Variants in ADGRL3 observed in about 807,000 individuals in gnomAD.
ADGRL3 encodes the protein adhesion G protein-coupled receptor L3.
A neutral mutation model predicts 153.5 loss-of-function variants in ADGRL3; 62 were observed. That is an observed-to-expected ratio of 0.40 (90% CI 0.33 to 0.50). The LOEUF is 0.50. ADGRL3 is among the 20% of genes least tolerant of loss of function. The pLI, the probability that ADGRL3 is intolerant of heterozygous loss-of-function variation, is 0.47. For synonymous variants in ADGRL3, 710 were observed against 672.5 expected, an observed-to-expected ratio of 1.06 and a Z score of -0.86; for missense variants, 1,641 against 1,859.4, an observed-to-expected ratio of 0.88 and a Z score of 2.16.
At chr4:61,219,910 C>G (rs1744614424) in intron 1 of ADGRL3, among the ~76,000 whole-genome samples, 1 of 151,954 alleles carries the variant, frequency 6.6e-6, no homozygotes, top group Non-Finnish European at 1.5e-5. Context: ...GAGTTTGAGA[C>G]AAACCTGGAC....
At chr4:61,269,961 T>G (rs1505665) in intron 1 of ADGRL3, among the ~76,000 whole-genome samples, 1 of 151,458 alleles carries the variant, frequency 6.6e-6, no homozygotes, top group African/African-American at 2.4e-5. Flanking sequence ...AAGTTACATG[T>G]CAAATGGTTG....
intron 5 of ADGRL3, among the ~76,000 whole-genome samples, chr4:61,663,281 C>T (rs1159581054): frequency 1.3e-5 from 2 of 152,188 alleles, no homozygotes; most frequent in South Asian, 2.1e-4. Context: ...GGCTGTGACA[C>T]CCTCTTTGGA....
Position 61,379,390 on chromosome 4 carries a change from A to G in ADGRL3, c.-239-3734A>G, listed in dbSNP as rs1424570981. 2.6e-5 allele frequency among the ~76,000 whole-genome samples: 4 copies of G among 152,190 alleles called. No homozygotes were observed. The East Asian group carries it at 7.7e-4, about 29-fold the overall frequency. ...ACTTCTTTTTACAAATCATAAAATT[A>G]TATTAGTAATACCTAATATGTAACT... is the stretch of plus-strand genomic sequence containing the variant. On this transcript the variant is annotated intron_variant, in intron 1 of 26. Transcript: ENST00000683033.
At chr4:61,550,521 G>A (rs185780713) in intron 4 of ADGRL3, among the ~76,000 whole-genome samples, 3 of 152,032 alleles carry the variant, frequency 2.0e-5, no homozygotes, top group East Asian at 3.9e-4. Context: ...AAATATTATG[G>A]CAAAACATAT....
At chr4:61,590,946 G>C (rs899642749) in intron 5 of ADGRL3, among the ~76,000 whole-genome samples, 2 of 152,208 alleles carry the variant, frequency 1.3e-5, no homozygotes, top group East Asian at 3.9e-4. Flanking sequence ...ACGTTTTATT[G>C]ATGTATAATA....
chr4:61,811,313 T>C (rs1007361201), intron 8 of ADGRL3, among the ~76,000 whole-genome samples: 3 of 151,676 alleles, frequency 2.0e-5, no homozygotes, highest in Non-Finnish European at 4.4e-5. Context: ...AGTAAAGTAC[T>C]GCTTTGTGTT....
chr4:61,971,843 G>A lies in ADGRL3; in HGVS notation c.2806-7720G>A, dbSNP rs543511103. ...GTTGTTTCCTGACTTTTTAATGATC[G>A]CCATTCTAATTGGTGTGAGATGGTA... On this transcript the variant is annotated intron_variant, in intron 17 of 26. Transcript: ENST00000683033. 2.5e-4 allele frequency among the ~76,000 whole-genome samples: 38 copies of A among 152,116 alleles called. No homozygotes were observed. In the East Asian group the frequency reaches 5.4e-3, roughly 22 times the overall value.
chr4:61,452,737 G>A (rs1261039222), intron 2 of ADGRL3, among the ~76,000 whole-genome samples: 1 of 152,056 alleles, frequency 6.6e-6, no homozygotes, highest in Non-Finnish European at 1.5e-5. Flanking sequence ...ATGAAATTTG[G>A]AGCATTTGTG....
chr4:61,392,611 G>A (rs935587975), intron 2 of ADGRL3, among the ~76,000 whole-genome samples: 2 of 145,546 alleles, frequency 1.4e-5, no homozygotes, highest in Non-Finnish European at 3.0e-5. Flanking sequence ...GCTTGAACCC[G>A]GTAAGCAGAG....
chr4:61,702,820 TCTATAA>T (rs2095792174), intron 6 of ADGRL3, among the ~76,000 whole-genome samples: 1 of 152,180 alleles, frequency 6.6e-6, no homozygotes, highest in African/African-American at 2.4e-5. Context: ...TATATCTATA[TCTATAA>T]CTATATCACG....
At chr4:61,701,815 G>A (rs2095767200) in intron 6 of ADGRL3, among the ~76,000 whole-genome samples, 1 of 151,996 alleles carries the variant, frequency 6.6e-6, no homozygotes, top group South Asian at 2.1e-4. Context: ...ATACAGATTT[G>A]AAGATATTTT....
At chr4:61,656,141 A>C (rs1207187595) in intron 5 of ADGRL3, among the ~76,000 whole-genome samples, 1 of 152,204 alleles carries the variant, frequency 6.6e-6, no homozygotes, top group Non-Finnish European at 1.5e-5. Context: ...TGTTCTAGTA[A>C]GGCATACTTT....
intron 1 of ADGRL3, among the ~76,000 whole-genome samples, chr4:61,252,075 G>T (rs1759512547): frequency 6.6e-6 from 1 of 151,780 alleles, no homozygotes; most frequent in Admixed American, 6.6e-5. Context: ...GTAGAGAAAG[G>T]TTTTGCCATG....
chr4:62,035,435 C>T (rs561288945), intron 23 of ADGRL3, among the ~76,000 whole-genome samples: 10 of 152,028 alleles, frequency 6.6e-5, no homozygotes, highest in Middle Eastern at 3.4e-3. Context: ...ATTCAAATAC[C>T]CTTTCTCATC....
intron 8 of ADGRL3, among the ~76,000 whole-genome samples, chr4:61,746,538 T>G (rs1289529807): frequency 2.0e-5 from 3 of 152,024 alleles, no homozygotes; most frequent in Admixed American, 6.6e-5. Context: ...AAACTAGAAC[T>G]CAGGATTAAG....
intron 4 of ADGRL3, among the ~76,000 whole-genome samples, chr4:61,577,940 A>G (rs991017741): frequency 1.3e-5 from 2 of 152,216 alleles, no homozygotes; most frequent in African/African-American, 2.4e-5. Context: ...TAACTTTTAT[A>G]GTATATTAGT....
At chr4:61,711,464 A>ATATATATATATATATATATATATATATC (rs2095984434) in intron 6 of ADGRL3, among the ~76,000 whole-genome samples, 1 of 76,842 alleles carries the variant, frequency 1.3e-5, no homozygotes, top group Non-Finnish European at 2.4e-5. Context: ...TTCATTATAT[A>ATATATATATATATATATATATATATATC]TATATATATA....
At chr4:61,369,989 T>C (rs1167414768) in intron 1 of ADGRL3, among the ~76,000 whole-genome samples, 2 of 152,052 alleles carry the variant, frequency 1.3e-5, no homozygotes, top group African/African-American at 4.8e-5. Flanking sequence ...TTTATCCATT[T>C]CTTCTAGATT....
intron 1 of ADGRL3, among the ~76,000 whole-genome samples, chr4:61,313,828 C>T (rs1307609298): frequency 1.6e-4 from 25 of 152,098 alleles, no homozygotes; most frequent in Non-Finnish European, 7.3e-5. Context: ...AGAGCCTAAC[C>T]TAACAGGTCA....
Sources: allele counts gnomAD v4.1 joint callset (sites outside exome capture counted in the v4.1 genomes callset), GRCh38; gene constraint gnomAD v4.1.1; transcripts MANE v1.5; gene names NCBI Gene and HGNC (gene_info 2026-07-23, HGNC 2026-07-21).